The following DACH2 variants were observed in gnomAD, a reference collection of about 807,000 sequenced individuals.
DACH2 encodes dachshund family transcription factor 2, also known as dachshund homolog 2.
In DACH2, 17 loss-of-function variants were observed where a neutral mutation model predicts 35.8. The observed-to-expected ratio is 0.48, with a 90% CI of 0.33 to 0.71. The LOEUF (loss-of-function observed/expected upper bound fraction) is 0.71, where lower values mean the gene tolerates loss of function less well. Among genes scored for constraint, DACH2 ranks in the 30% least tolerant of loss-of-function variants. The pLI is 0.02. For missense variants in DACH2, 469 were observed against 472.7 expected (o/e 0.99, Z 0.07); for synonymous variants, 195 against 177.3 (o/e 1.10, Z -0.79).
intron 2 of DACH2, among the ~76,000 whole-genome samples, chrX:86,418,109 C>T (rs1022103787): frequency 1.8e-5 from 2 of 112,284 alleles, no homozygotes; most frequent in Admixed American, 9.4e-5. Flanking sequence ...AAGGTGGGTG[C>T]CCATGGTCTT....
intron 1 of DACH2, among the ~76,000 whole-genome samples, chrX:86,354,145 C>T (rs1369041603): frequency 4.6e-5 from 1 of 21,974 alleles, no homozygotes; most frequent in Non-Finnish European, 6.7e-5. Context: ...GTTAGAATGG[C>T]AATCATTAAA....
At chrX:86,760,077 T>A (rs2041865651) in intron 7 of DACH2, among the ~76,000 whole-genome samples, 1 of 111,876 alleles carries the variant, frequency 8.9e-6, no homozygotes, top group African/African-American at 3.2e-5. Context: ...AAGAAGTCAT[T>A]AGGGTTCCAT....
intron 7 of DACH2, among the ~76,000 whole-genome samples, chrX:86,760,128 T>C (rs1474740614): frequency 2.7e-5 from 3 of 111,599 alleles, no homozygotes; most frequent in Non-Finnish European, 5.7e-5. Context: ...TTTTTAGAAT[T>C]TTATCATTGC....
chrX:86,252,739 A>G (rs1394819599), intron 1 of DACH2, among the ~76,000 whole-genome samples: 1 of 111,304 alleles, frequency 9.0e-6, no homozygotes, highest in Non-Finnish European at 1.9e-5. Context: ...TGTTTCGGTG[A>G]ATATGGCCTT....
chrX:86,586,552 C>T (rs1011519221), intron 3 of DACH2, among the ~76,000 whole-genome samples: 2 of 110,794 alleles, frequency 1.8e-5, no homozygotes, highest in Non-Finnish European at 3.8e-5. Context: ...TAAGTTTTTA[C>T]ATTTGGGTTT....
intron 7 of DACH2, among the ~76,000 whole-genome samples, chrX:86,801,556 T>C (rs2042294632): frequency 8.9e-6 from 1 of 112,242 alleles, no homozygotes; most frequent in Non-Finnish European, 1.9e-5. Flanking sequence ...AATGTGAATA[T>C]GCATAGATTA....
At chrX:86,813,589 G>A (rs1306524010) in intron 9 of DACH2, among the ~76,000 whole-genome samples, 6 of 106,966 alleles carry the variant, frequency 5.6e-5, no homozygotes, top group Admixed American at 4.1e-4. Flanking sequence ...TCCAGCCTGG[G>A]CGACAGAGCA....
At chrX:86,442,299 G>T (rs182321461) in intron 2 of DACH2, among the ~76,000 whole-genome samples, 3 of 105,211 alleles carry the variant, frequency 2.9e-5, no homozygotes, top group African/African-American at 7.0e-5. Flanking sequence ...GGCCATTCTT[G>T]TGTCTTCTTT....
chrX:86,184,298 C>G (rs767248125), intron 1 of DACH2: 1 of 159,969 alleles, frequency 6.3e-6, no homozygotes, highest in East Asian at 2.6e-4. Flanking sequence ...ACTTCCGCCT[C>G]CCAGGTTCAA....
At position 86,796,618 on chromosome X, in the gene DACH2, T is replaced by C. The variant is rs747613123; in HGVS notation, c.1241-16238T>C. On this transcript the variant is annotated intron_variant, in intron 7 of 11. Coordinates refer to ENST00000373125, the MANE Select transcript of DACH2 (RefSeq NM_053281.3). ...TATTGAAAGATCTTACATATTAATTTTCTCTTTATTTTCCTTTCTTCATGT... is the reference window on the plus strand; with the variant it reads ...TATTGAAAGATCTTACATATTAATTCTCTCTTTATTTTCCTTTCTTCATGT... Among the ~76,000 whole-genome samples, 131 of 112,591 alleles carry C rather than the reference T, an allele frequency of 1.2e-3. 1 individual carries two copies. The highest frequency in any genetic ancestry group is 4.1e-3 in the African/African-American group (127 of 31,050).
At chrX:86,711,320 G>A (rs2041276273) in intron 5 of DACH2, among the ~76,000 whole-genome samples, 1 of 111,555 alleles carries the variant, frequency 9.0e-6, no homozygotes, top group Non-Finnish European at 1.9e-5. Context: ...GAGGTTGCGT[G>A]AGCCGAGATC....
chrX:86,590,887 A>G (rs1346406640), intron 3 of DACH2, among the ~76,000 whole-genome samples: 4 of 111,053 alleles, frequency 3.6e-5, no homozygotes, highest in African/African-American at 1.3e-4. Context: ...ATATGTATAC[A>G]TGTGCCATGT....
chrX:86,484,730 T>C (rs1048791739), intron 2 of DACH2, among the ~76,000 whole-genome samples: 3 of 112,126 alleles, frequency 2.7e-5, no homozygotes, highest in Admixed American at 9.5e-5. Context: ...TTTAAAAACA[T>C]TGCTTTTATA....
At chrX:86,666,312 T>TGTGTGAGAGAGA (rs112267843) in intron 4 of DACH2, among the ~76,000 whole-genome samples, 3 of 99,953 alleles carry the variant, frequency 3.0e-5, no homozygotes, top group East Asian at 6.5e-4. Flanking sequence ...TGTGTGTGTG[T>TGTGTGAGAGAGA]GAGAGAGAGA....
intron 1 of DACH2, among the ~76,000 whole-genome samples, chrX:86,308,781 G>A (rs2034740373): frequency 9.0e-6 from 1 of 111,652 alleles, no homozygotes; most frequent in Non-Finnish European, 1.9e-5. Flanking sequence ...GTGGATACTG[G>A]CTCTGAGCTG....
intron 1 of DACH2, among the ~76,000 whole-genome samples, chrX:86,249,898 T>C (rs1179812208): frequency 9.0e-6 from 1 of 111,519 alleles, no homozygotes; most frequent in Admixed American, 9.5e-5. Context: ...CATGTCCTTT[T>C]CAGCAACTTG....
At chrX:86,478,095 AT>A (rs2037876464) in intron 2 of DACH2, among the ~76,000 whole-genome samples, 1 of 110,970 alleles carries the variant, frequency 9.0e-6, no homozygotes, top group Non-Finnish European at 1.9e-5. Flanking sequence ...GTTATTTTTG[AT>A]TGGTTCATTA....
chrX:86,193,096 A>G (rs1380178455), intron 1 of DACH2, among the ~76,000 whole-genome samples: 1 of 112,003 alleles, frequency 8.9e-6, no homozygotes, highest in Non-Finnish European at 1.9e-5. Context: ...TGTATGAAAC[A>G]TAACTAGAAT....
intron 3 of DACH2, among the ~76,000 whole-genome samples, chrX:86,553,530 C>G (rs1329918525): frequency 8.9e-6 from 1 of 111,743 alleles, no homozygotes; most frequent in East Asian, 2.8e-4. Flanking sequence ...TTAATTATCA[C>G]AAGTTCACCT....
Sources: allele counts gnomAD v4.1 joint callset (sites outside exome capture counted in the v4.1 genomes callset), GRCh38; gene constraint gnomAD v4.1.1; transcripts MANE v1.5; gene names NCBI Gene and HGNC (gene_info 2026-07-23, HGNC 2026-07-21).